COL1A2: variants seen among roughly 807,000 people sequenced by gnomAD.
The protein encoded by COL1A2 is collagen type I alpha 2 chain, also known as collagen alpha-2(I) chain.
COL1A2 carries 49 observed loss-of-function variants against 174.3 expected under a neutral mutation model. That is an observed-to-expected ratio of 0.28 (90% confidence interval 0.22 to 0.36). The LOEUF is 0.36. COL1A2 is among the 10% of genes least tolerant of loss of function. The pLI is 1.00. For missense variants in COL1A2, 1,438 were observed against 1,822.7 expected, an observed-to-expected ratio of 0.79 and a Z score of 3.84; for synonymous variants, 655 against 606.6, an observed-to-expected ratio of 1.08 and a Z score of -1.17.
intron 15 of COL1A2, 57 bp from the exon 16 acceptor site, chr7:94,408,713 A>G (rs41316923): frequency 2.0e-4 from 309 of 1,573,508 alleles, no homozygotes; most frequent in Middle Eastern, 5.0e-4. Flanking sequence ...TGCCATTGTT[A>G]TTGTTTTCTT....
chr7:94,426,629 A>G (rs1422793562), intron 46 of COL1A2, 99 bp downstream of exon 46: 1 of 914,632 alleles, frequency 1.1e-6, no homozygotes, highest in Non-Finnish European at 1.8e-6. Context: ...AGTATAGCCT[A>G]TATAATATCC....
chr7:94,408,327 T>A lies in COL1A2; in HGVS notation c.694-9T>A. On this transcript the variant is annotated splice_polypyrimidine_tract_variant and intron_variant, in intron 14 of 51. Transcript: ENST00000297268. ...TTTCCACCTGATCTTCCCTTTATTT[T>A]CTTCTTAGGGTGCCCGTGGCAGTGA... The A allele has an allele frequency of 6.2e-7, 1 of 1,614,144 alleles. No individual in the cohort carries two copies. The highest frequency in any genetic ancestry group is 8.5e-7 in the Non-Finnish European group (1 of 1,180,016).
In COL1A2 at chr7:94,425,655, G is replaced by A. The variant is rs193922165; in HGVS notation, c.2827G>A (p.Gly943Arg). 2.6e-5 allele frequency: 42 copies of A among 1,614,088 alleles called. No homozygotes were observed. The highest frequency in any genetic ancestry group is 3.5e-5 in the Non-Finnish European group (41 of 1,180,024). The change falls in exon 43 of 52, where the codon GGA becomes AGA. Residue 943 changes from glycine (G) to arginine (R), a missense_variant. Coordinates refer to ENST00000297268, the MANE Select transcript of COL1A2 (RefSeq NM_000089.4). ...TCCCCCAGGTCGCGATGGTCAACCC[G>A]GACACAAGGTCAGTACACTTTTCAT... ...DGPPGRDGQP[G>R]HKGERGYPGN... is the part of the protein sequence containing the mutation.
At chr7:94,407,785 G>A in intron 12 of COL1A2, 62 bp from the exon 13 acceptor site, 3 of 1,442,356 alleles carry the variant, frequency 2.1e-6, no homozygotes, top group Non-Finnish European at 2.9e-6. Flanking sequence ...GAGTAAAATT[G>A]CACTATCAGG....
Position 94,429,244 on chromosome 7 carries a change from C to T in COL1A2, c.3768C>T (p.Phe1256=), listed in dbSNP as rs758240345. 2 of 1,613,602 alleles carry T rather than the reference C, an allele frequency of 1.2e-6. No homozygotes were observed. Among genetic ancestry groups the T allele is most frequent in the Non-Finnish European group, 1.7e-6 (2 of 1,179,666 alleles). ...AGGAAATGGCTACCCAACTTGCCTT[C>T]ATGCGCCTGCTGGCCAACTATGCCT... ...TSKEMATQLA[F]MRLLANYASQ... is the part of the protein sequence containing the mutation. The change falls in exon 51 of 52, where the codon TTC becomes TTT. Residue 1256 remains phenylalanine, a synonymous_variant. Coordinates refer to ENST00000297268, the MANE Select transcript of COL1A2 (RefSeq NM_000089.4).
At chr7:94,408,681 A>G (rs1274962467) in intron 15 of COL1A2, 89 bp from the exon 16 acceptor site, 1 of 1,396,884 alleles carries the variant, frequency 7.2e-7, no homozygotes, top group Non-Finnish European at 1.0e-6. Flanking sequence ...GTGTCATGCC[A>G]CTGTAAGCAA....
At chr7:94,398,620 G>A (rs1044280660) in intron 3 of COL1A2, among the ~76,000 whole-genome samples, 16 of 151,424 alleles carry the variant, frequency 1.1e-4, no homozygotes, top group African/African-American at 3.9e-4. Flanking sequence ...ACAAACTGGT[G>A]ATTTACATAC....
chr7:94,429,797 A>G, intron 51 of COL1A2: 1 of 256,784 alleles, frequency 3.9e-6, no homozygotes, highest in East Asian at 9.4e-5. Flanking sequence ...ATTTATAGTT[A>G]TGTGTATTTT....
At chr7:94,428,673 A>T (rs1490577271) in intron 50 of COL1A2, among the ~76,000 whole-genome samples, 196 bp downstream of exon 50, 1 of 152,252 alleles carries the variant, frequency 6.6e-6, no homozygotes, top group Non-Finnish European at 1.5e-5. Context: ...ATTCAAAGTT[A>T]TTATTCAAAT....
At chr7:94,395,414 A>G in intron 1 of COL1A2, 1 of 387,782 alleles carries the variant, frequency 2.6e-6, no homozygotes, top group South Asian at 2.1e-5. Context: ...TGAGATATTA[A>G]CGACCAATGT....
intron 38 of COL1A2, 131 bp from the exon 39 acceptor site, chr7:94,421,768 G>C: frequency 1.3e-6 from 1 of 774,410 alleles, no homozygotes; most frequent in Non-Finnish European, 2.3e-6. Flanking sequence ...CCTATATGAA[G>C]CTGCCTACCT....
At chr7:94,427,162 A>G (rs1792296249) in intron 47 of COL1A2, 26 bp from the exon 48 acceptor site, 1 of 1,608,304 alleles carries the variant, frequency 6.2e-7, no homozygotes, top group South Asian at 1.1e-5. Context: ...ACCAGCTCAC[A>G]TGTACCTGGT....
intron 38 of COL1A2, 93 bp downstream of exon 38, chr7:94,421,155 AC>A: frequency 7.8e-7 from 1 of 1,284,550 alleles, no homozygotes; most frequent in Middle Eastern, 1.8e-4. Flanking sequence ...AATTTGGACT[AC>A]CATGAGGAAA....
In COL1A2 at chr7:94,426,420, T is replaced by C. The variant is rs1792278696; in HGVS notation, c.2998-3T>C. 5 of 1,588,258 alleles carry C rather than the reference T, an allele frequency of 3.1e-6. No homozygotes were observed. Among genetic ancestry groups the C allele is most frequent in the East Asian group, 2.3e-5 (1 of 43,944 alleles). ...TCTTATCCATCCTTCTGTTTCTTTATAGGGCCCACAAGGCATTCGTGGCGA... is the reference window on the plus strand; with the variant it reads ...TCTTATCCATCCTTCTGTTTCTTTACAGGGCCCACAAGGCATTCGTGGCGA... On this transcript the variant is annotated splice_region_variant and splice_polypyrimidine_tract_variant and intron_variant, in intron 45 of 51. Transcript: ENST00000297268.
intron 23 of COL1A2, among the ~76,000 whole-genome samples, chr7:94,411,769 A>T (rs1193257305): frequency 1.3e-5 from 2 of 152,242 alleles, no homozygotes; most frequent in East Asian, 3.8e-4. Context: ...TTTTTCTATT[A>T]TGAGGTAAAT....
At chr7:94,420,210 A>T (rs934912320) in intron 34 of COL1A2, 23 bp from the exon 35 acceptor site, 1 of 1,612,752 alleles carries the variant, frequency 6.2e-7, no homozygotes, top group African/African-American at 1.3e-5. Context: ...ACATTAACAG[A>T]TTCATCTTTG....
intron 12 of COL1A2, among the ~76,000 whole-genome samples, chr7:94,406,570 C>A (rs549979047): frequency 1.3e-5 from 2 of 152,100 alleles, no homozygotes; most frequent in African/African-American, 4.8e-5. Context: ...CCTTTCCTCC[C>A]TCTATAATTC....
At chr7:94,409,911 T>G in intron 19 of COL1A2, 90 bp downstream of exon 19, 1 of 1,280,334 alleles carries the variant, frequency 7.8e-7, no homozygotes, top group Non-Finnish European at 1.1e-6. Context: ...TGTAGTTTTA[T>G]TATTCCTATT....
In COL1A2 at chr7:94,420,505, C is replaced by T. The variant is rs370128821; in HGVS notation, c.2188-36C>T. On this transcript the variant is annotated intron_variant, in intron 36 of 51. Transcript: ENST00000297268. ...TCCTAAGTTGGGGAGTAGAGTGGGT[C>T]GGAATACCAGAGCTGTAACTGTTTA... 1.4e-4 allele frequency: 219 copies of T among 1,613,766 alleles called. 1 individual carries two copies. The South Asian group carries it at 2.1e-3, about 15-fold the overall frequency.
Sources: allele counts gnomAD v4.1 joint callset (sites outside exome capture counted in the v4.1 genomes callset), GRCh38; gene constraint gnomAD v4.1.1; transcripts MANE v1.5; gene names NCBI Gene and HGNC (gene_info 2026-07-23, HGNC 2026-07-21).